LYRM1: variants seen among roughly 807,000 people sequenced by gnomAD.
LYRM1 encodes LYR motif-containing protein 1.
In LYRM1, 14 loss-of-function variants were observed where a neutral mutation model predicts 14.9. That is an observed-to-expected ratio of 0.94 (90% CI 0.62 to 1.47). The LOEUF (loss-of-function observed/expected upper bound fraction) is 1.47, where lower values mean the gene tolerates loss of function less well. Ranked by LOEUF, LYRM1 falls within the 40% of genes most tolerant of loss-of-function variation. The pLI is 0.00. For synonymous variants in LYRM1, 43 were observed against 56.2 expected (o/e 0.77, Z 1.05); for missense variants, 153 against 149.9 (o/e 1.02, Z -0.11).
At chr16:20,904,691 T>TGTGTGTGTGTGTG (rs1555499200) in intron 1 of LYRM1, among the ~76,000 whole-genome samples, 16 of 141,148 alleles carry the variant, frequency 1.1e-4, no homozygotes, top group African/African-American at 4.3e-4. Flanking sequence ...AAGTCTGTGG[T>TGTGTGTGTGTGTG]TGTGTGTGTG....
At position 20,909,295 on chromosome 16, in the gene LYRM1, A is replaced by G. The variant is rs187164921; in HGVS notation, c.1-6261A>G. On this transcript the variant is annotated intron_variant, in intron 1 of 3. Transcript: ENST00000567954. ...AGAAAAGAGACCAGCTTCTAGTCCC[A>G]TTTCTTTCCAGGCACACCTCATATC... Among the ~76,000 whole-genome samples the G allele has an allele frequency of 1.3e-3, 198 of 152,296 alleles. 1 individual carries two copies. Among genetic ancestry groups the G allele is most frequent in the African/African-American group, 4.3e-3 (177 of 41,572 alleles).
chr16:20,917,745 A>T (rs1267299060), intron 2 of LYRM1, among the ~76,000 whole-genome samples: 1 of 152,154 alleles, frequency 6.6e-6, no homozygotes. Context: ...GCAACAGAGG[A>T]AGACTCTGTC....
intron 2 of LYRM1, among the ~76,000 whole-genome samples, chr16:20,919,589 ATAACT>A (rs972393412): frequency 3.3e-5 from 5 of 152,236 alleles, no homozygotes; most frequent in Admixed American, 6.5e-5. Flanking sequence ...AAAATTGGAA[ATAACT>A]TAATTATCCA....
intron 3 of LYRM1, chr16:20,920,457 TG>T: frequency 2.3e-6 from 1 of 439,404 alleles, no homozygotes; most frequent in East Asian, 3.7e-5. Context: ...CAGCTCACAC[TG>T]TAGAGCTTTT....
chr16:20,918,965 C>T (rs1362498414), intron 2 of LYRM1, among the ~76,000 whole-genome samples: 2 of 152,160 alleles, frequency 1.3e-5, no homozygotes, highest in Non-Finnish European at 2.9e-5. Context: ...ATTTCCAAGC[C>T]ACATGGACCC....
chr16:20,915,495 G>A (rs1372180407), intron 1 of LYRM1, 61 bp from the exon 2 acceptor site: 7 of 1,380,786 alleles, frequency 5.1e-6, no homozygotes, highest in Non-Finnish European at 7.1e-6. Context: ...TCTGCCTGGT[G>A]CCTCCTGTCA....
intron 1 of LYRM1, chr16:20,911,235 T>A (rs2082575842): frequency 6.6e-6 from 1 of 152,178 alleles, no homozygotes; most frequent in African/African-American, 2.4e-5. Context: ...TACTCAAGAA[T>A]AAACCTCAAG....
chr16:20,920,094 A>G, intron 2 of LYRM1, 28 bp from the exon 3 acceptor site: 1 of 1,475,326 alleles, frequency 6.8e-7, no homozygotes, highest in Non-Finnish European at 9.5e-7. Flanking sequence ...AGATACTATC[A>G]GCCTCATTTC....
chr16:20,918,395 G>A (rs189959821), intron 2 of LYRM1, among the ~76,000 whole-genome samples: 1 of 152,116 alleles, frequency 6.6e-6, no homozygotes, highest in South Asian at 2.1e-4. Context: ...GAGGTACATG[G>A]GTTCTTAATT....
chr16:20,905,270 G>A (rs1253845550), intron 1 of LYRM1, among the ~76,000 whole-genome samples: 2 of 152,098 alleles, frequency 1.3e-5, no homozygotes, highest in South Asian at 2.1e-4. Flanking sequence ...TAATCCTTAC[G>A]ACTCTGAAAG....
intron 1 of LYRM1, among the ~76,000 whole-genome samples, chr16:20,914,256 G>C (rs1179062091): frequency 2.1e-5 from 3 of 140,456 alleles, no homozygotes; most frequent in South Asian, 4.7e-4. Context: ...GACTCATTTT[G>C]TTTGGCCTGT....
rs978400829 is a variant in LYRM1 at position 20,915,321 on chromosome 16, G to A, written c.1-235G>A. ...TAAAAATACAAAAAATTAGCCAGGC[G>A]TGGTGGCGGGCGCCTGTAGTCCCAG... On this transcript the variant is annotated intron_variant, in intron 1 of 3. Coordinates refer to ENST00000567954, the MANE Select transcript of LYRM1 (RefSeq NM_001128302.3). Among the ~76,000 whole-genome samples the A allele has an allele frequency of 5.9e-5, 9 of 152,092 alleles. No individual in the cohort carries two copies. In the South Asian group the frequency reaches 1.0e-3, roughly 18 times the overall value.
intron 1 of LYRM1, among the ~76,000 whole-genome samples, chr16:20,911,554 G>T (rs2082593477): frequency 6.6e-6 from 1 of 152,156 alleles, no homozygotes; most frequent in African/African-American, 2.4e-5. Context: ...GTGTCCAGCT[G>T]CCTGGCCTTG....
chr16:20,912,192 C>T (rs2152540028), intron 1 of LYRM1, among the ~76,000 whole-genome samples: 1 of 151,970 alleles, frequency 6.6e-6, no homozygotes, highest in African/African-American at 2.4e-5. Context: ...CCTGCCTGTC[C>T]CAGCCTCCCA....
rs751530200 is a variant in LYRM1, at chr16:20,915,643, A to G, written c.88A>G (p.Met30Val). ...GAAATGGCAGGCGACATCAGGGCAG[A>G]TGGAAGACACCATCAAAGAAAAACA... ...ARKWQATSGQ[M>V]EDTIKEKQYI... The change falls in exon 2 of 4, where the codon ATG (methionine) becomes GTG (valine). Residue 30 changes from methionine to valine, a missense_variant. By Grantham distance (21) the Met-to-Val change is conservative (BLOSUM62 1). Transcript: ENST00000567954. 2.5e-6 allele frequency: 4 copies of G among 1,614,174 alleles called. No homozygotes were observed. In the Admixed American group the frequency reaches 6.7e-5, roughly 27 times the overall value.
At chr16:20,900,265 C>T, upstream of LYRM1, 1 of 151,642 alleles carries the variant, frequency 6.6e-6, no homozygotes. Flanking sequence ...CCGGCGGGTC[C>T]AAACCACCTA....
At chr16:20,914,579 G>T (rs1490269693) in intron 1 of LYRM1, among the ~76,000 whole-genome samples, 1 of 151,768 alleles carries the variant, frequency 6.6e-6, no homozygotes, top group African/African-American at 2.4e-5. Context: ...TAGGATTACA[G>T]GCGTGAGCCA....
chr16:20,912,271 T>G (rs761231454), intron 1 of LYRM1, among the ~76,000 whole-genome samples: 49 of 133,692 alleles, frequency 3.7e-4, no homozygotes, highest in South Asian at 7.4e-4. Context: ...TATTTTTGGG[T>G]TTTTTTTGTT....
rs769245593 is a variant in LYRM1, at chr16:20,915,681, T to C, written c.126T>C (p.Asn42=). 2 of 1,613,980 alleles carry C rather than the reference T, an allele frequency of 1.2e-6. No homozygotes were observed. The highest frequency in any genetic ancestry group is 1.7e-6 in the Non-Finnish European group (2 of 1,179,990). ...TCAAAGAAAAACAGTACATACTAAATGAAGCCAGAACGCTGTTCCGGAAAA... is the reference window on the plus strand; with the variant it reads ...TCAAAGAAAAACAGTACATACTAAACGAAGCCAGAACGCTGTTCCGGAAAA... ...DTIKEKQYIL[N]EARTLFRKNK... Residue 42 remains asparagine, a synonymous_variant, in exon 2 of 4, where the codon AAT becomes AAC. Coordinates refer to ENST00000567954, the MANE Select transcript of LYRM1 (RefSeq NM_001128302.3).
Sources: gnomAD v4.1 joint callset for allele counts (sites outside exome capture counted in the v4.1 genomes callset) on GRCh38, gnomAD v4.1.1 for gene constraint, MANE v1.5 for transcripts, NCBI Gene and HGNC (gene_info 2026-07-23, HGNC 2026-07-21) for gene names.